COPG2: variants seen among roughly 807,000 people sequenced by gnomAD.
COPG2 encodes coat protein complex I subunit gamma 2.
In COPG2, 37 loss-of-function variants were observed where a neutral mutation model predicts 46.3. The ratio of observed to expected loss-of-function variants is 0.80; its 90% confidence interval spans 0.61 to 1.05. The LOEUF (loss-of-function observed/expected upper bound fraction) is 1.05. COPG2 is among the 50% of genes least tolerant of loss of function. The probability of loss-of-function intolerance (pLI) is 0.00; values close to 1 mark genes in which losing one functional copy is unlikely to be tolerated. For synonymous variants in COPG2, 159 were observed against 129.7 expected, an observed-to-expected ratio of 1.23 and a Z score of -1.53; for missense variants, 427 against 387.8, an observed-to-expected ratio of 1.10 and a Z score of -0.85.
intron 20 of COPG2, among the ~76,000 whole-genome samples, chr7:130,520,655 A>G (rs1231727300): frequency 1.3e-5 from 2 of 152,246 alleles, no homozygotes; most frequent in Non-Finnish European, 2.9e-5. Flanking sequence ...CTCATTCCCT[A>G]TGCTGAAGGA....
chr7:130,528,715 AG>A (rs1799797125), intron 20 of COPG2, among the ~76,000 whole-genome samples: 2 of 151,222 alleles, frequency 1.3e-5, no homozygotes, highest in South Asian at 2.1e-4. Flanking sequence ...GACAGAGGAG[AG>A]GTGTTCCCTA....
At chr7:130,584,626 T>C (rs1794228045) in intron 9 of COPG2, among the ~76,000 whole-genome samples, 1 of 152,022 alleles carries the variant, frequency 6.6e-6, no homozygotes, top group Non-Finnish European at 1.5e-5. Flanking sequence ...GAATACAAGA[T>C]TAATGTTCAC....
At chr7:130,555,471 G>A (rs1305825722) in intron 12 of COPG2, among the ~76,000 whole-genome samples, 7 of 152,166 alleles carry the variant, frequency 4.6e-5, no homozygotes, top group Non-Finnish European at 8.8e-5. Flanking sequence ...TAGAAGAATA[G>A]AGAAAGCTAT....
rs1799491908 is a variant in COPG2, at chr7:130,506,570, CAA to C, written c.*104_*105del. On this transcript the variant is annotated 3_prime_UTR_variant, in exon 24 of 24. Coordinates refer to ENST00000425248, the MANE Select transcript of COPG2 (RefSeq NM_012133.6). ...GGGCCAAATGTTTAATTTGCTTCTC[CAA>C]AGTCATTCATCTTCAAAAGTCTGAT... 2.0e-6 allele frequency: 1 copy of C among 512,148 alleles called. No individual in the cohort carries two copies. Among genetic ancestry groups the C allele is most frequent in the Admixed American group, 3.6e-5 (1 of 27,846 alleles). The allele number at this position is 512,148 out of a possible 1,614,324, so 31.7% of individuals were successfully genotyped here.
chr7:130,512,259 T>C (rs994698688), intron 20 of COPG2, among the ~76,000 whole-genome samples: 2 of 149,470 alleles, frequency 1.3e-5, no homozygotes, highest in Admixed American at 1.3e-4. Context: ...CAATTTAACA[T>C]GAGCCAAGCC....
rs1463882647 is a variant in COPG2, at chr7:130,666,461, A to ATCCAAAATCTGAAATGC, written c.171+371_171+387dup. Among the ~76,000 whole-genome samples, 8 of 152,314 alleles carry ATCCAAAATCTGAAATGC rather than the reference A, an allele frequency of 5.3e-5. No homozygotes were observed. The East Asian group carries it at 1.3e-3, about 26-fold the overall frequency. ...TAGGTTAAACATCTCTAATCTCAAA[A>ATCCAAAATCTGAAATGC]TCCAAAATCTGAAATGCTCCAAAAT... On this transcript the variant is annotated intron_variant, in intron 3 of 23. Coordinates refer to ENST00000425248, the MANE Select transcript of COPG2 (RefSeq NM_012133.6).
chr7:130,618,855 T>C (rs374382786), intron 5 of COPG2, among the ~76,000 whole-genome samples: 43 of 152,126 alleles, frequency 2.8e-4, no homozygotes, highest in Admixed American at 2.2e-3. Flanking sequence ...CTTGTCTCCT[T>C]CAAAACTTTT....
chr7:130,577,147 G>C (rs1472596874), intron 9 of COPG2, among the ~76,000 whole-genome samples: 3 of 152,186 alleles, frequency 2.0e-5, no homozygotes, highest in Admixed American at 6.5e-5. Flanking sequence ...AAAAAGTCCA[G>C]AATGATTGAG....
intron 5 of COPG2, among the ~76,000 whole-genome samples, chr7:130,635,557 T>C (rs1051278555): frequency 6.6e-6 from 1 of 152,126 alleles, no homozygotes; most frequent in East Asian, 1.9e-4. Flanking sequence ...AGTGGTGATA[T>C]CTTTTATCAT....
intron 5 of COPG2, among the ~76,000 whole-genome samples, chr7:130,634,742 A>G (rs1033265063): frequency 6.6e-6 from 1 of 151,982 alleles, no homozygotes; most frequent in South Asian, 2.1e-4. Context: ...ACTTCCAATA[A>G]TATGTTGAAT....
chr7:130,641,280 T>C (rs1795461099), intron 5 of COPG2, among the ~76,000 whole-genome samples: 1 of 151,642 alleles, frequency 6.6e-6, no homozygotes. Context: ...ATTTGAGCTA[T>C]GTGGAAAAGG....
At chr7:130,591,827 G>A (rs1424705966) in intron 9 of COPG2, among the ~76,000 whole-genome samples, 4 of 151,224 alleles carry the variant, frequency 2.6e-5, no homozygotes, top group Non-Finnish European at 5.9e-5. Context: ...GAGGTGAGGG[G>A]CGCCTCTGTC....
At chr7:130,552,551 A>C (rs1273696672) in intron 14 of COPG2, 121 bp from the exon 15 acceptor site, 2 of 393,336 alleles carry the variant, frequency 5.1e-6, no homozygotes, top group African/African-American at 4.1e-5. Context: ...CCCTTGTTTT[A>C]TTGAGTGTTT....
At chr7:130,648,560 G>A (rs1554458659) in intron 5 of COPG2, among the ~76,000 whole-genome samples, 1 of 152,124 alleles carries the variant, frequency 6.6e-6, no homozygotes, top group Non-Finnish European at 1.5e-5. Flanking sequence ...CGGACCTACG[G>A]AATTAGAAAA....
At chr7:130,563,867 T>A (rs1396142962) in intron 10 of COPG2, among the ~76,000 whole-genome samples, 1 of 150,530 alleles carries the variant, frequency 6.6e-6, no homozygotes, top group African/African-American at 2.4e-5. Flanking sequence ...AGAATACCCA[T>A]TAATACCTGA....
intron 20 of COPG2, among the ~76,000 whole-genome samples, chr7:130,531,238 A>T (rs961752401): frequency 1.7e-4 from 26 of 151,298 alleles, no homozygotes; most frequent in Non-Finnish European, 3.4e-4. Context: ...CAGCATTGAG[A>T]ACACCACTGT....
At position 130,507,208 on chromosome 7, in the gene COPG2, C is replaced by A. The variant is rs545769137; in HGVS notation, c.2485+66G>T. 1.3e-4 allele frequency: 102 copies of A among 769,028 alleles called. 1 individual carries two copies. The Middle Eastern group carries it at 1.6e-3, about 12-fold the overall frequency. 47.6% of individuals were successfully genotyped at this position (769,028 alleles called of 1,614,324 possible). A position where few individuals can be genotyped will look rare whatever the true frequency, so the allele number is the denominator to read the frequency against. On this transcript the variant is annotated intron_variant, in intron 23 of 23. Transcript: ENST00000425248. ...TGGGACAACAGCAAGGCATAAGATG[C>A]CCATCTATATCCTATTATTAAGCTT...
At chr7:130,663,215 A>G (rs1433511675) in intron 3 of COPG2, among the ~76,000 whole-genome samples, 177 bp from the exon 4 acceptor site, 1 of 152,212 alleles carries the variant, frequency 6.6e-6, no homozygotes, top group African/African-American at 2.4e-5. Flanking sequence ...ATAAACCCAC[A>G]TAGCCATTTA....
At chr7:130,540,227 G>T (rs1178651798) in intron 20 of COPG2, among the ~76,000 whole-genome samples, 1 of 152,146 alleles carries the variant, frequency 6.6e-6, no homozygotes, top group African/African-American at 2.4e-5. Context: ...CATATCTAAT[G>T]TTGCAGGTGA....
Sources: allele counts gnomAD v4.1 joint callset (sites outside exome capture counted in the v4.1 genomes callset), GRCh38; gene constraint gnomAD v4.1.1; transcripts MANE v1.5; gene names NCBI Gene and HGNC (gene_info 2026-07-23, HGNC 2026-07-21).